The following CFAP300 variants were observed in gnomAD, a reference collection of about 807,000 sequenced individuals.
CFAP300 encodes the protein cilia- and flagella-associated protein 300.
CFAP300 carries 32 observed loss-of-function variants against 33.0 expected under a neutral mutation model. That is an observed-to-expected ratio of 0.97 (90% confidence interval 0.73 to 1.30). The LOEUF (loss-of-function observed/expected upper bound fraction) is 1.30, where lower values mean the gene tolerates loss of function less well. Among genes scored for constraint, CFAP300 ranks in the 50% most tolerant of loss-of-function variants. CFAP300 has a pLI of 0.00. For synonymous variants in CFAP300, 102 were observed against 106.8 expected, an observed-to-expected ratio of 0.95 and a Z score of 0.28; for missense variants, 356 against 318.1, an observed-to-expected ratio of 1.12 and a Z score of -0.90.
Position 102,083,382 on chromosome 11 carries a change from G to A in CFAP300, c.*183G>A, listed in dbSNP as rs555719015. The stretch of plus-strand genomic sequence containing the variant: ...AAATTTGTGTGGAATACTAACCGGG[G>A]ATCAAATTTCATCCATAATAAAATC... On this transcript the variant is annotated 3_prime_UTR_variant, in exon 7 of 7. Transcript: ENST00000434758. The A allele has an allele frequency of 2.9e-6, 1 of 344,734 alleles. No homozygotes were observed. Among genetic ancestry groups the A allele is most frequent in the South Asian group, 1.4e-4 (1 of 7,234 alleles). The allele number at this position is 344,734 out of a possible 1,614,324, so 21.4% of individuals were successfully genotyped here.
In CFAP300 at chr11:102,068,728, G is replaced by A. The variant is rs192824566; in HGVS notation, c.435+2077G>A. 7.6e-4 allele frequency among the ~76,000 whole-genome samples: 115 copies of A among 152,244 alleles called. 1 individual carries two copies. Among genetic ancestry groups the A allele is most frequent in the African/African-American group, 2.4e-3 (98 of 41,536 alleles). On this transcript the variant is annotated intron_variant, in intron 4 of 6. Coordinates refer to ENST00000434758, the MANE Select transcript of CFAP300 (RefSeq NM_032930.3). The stretch of plus-strand genomic sequence containing the variant: ...CTTGAACCCGGGAGGCAGAGATTGC[G>A]GTGAGCTGAGATCACACCACTGCAT...
intron 5 of CFAP300, among the ~76,000 whole-genome samples, chr11:102,078,718 T>A (rs1276916258): frequency 2.6e-5 from 4 of 152,198 alleles, no homozygotes; most frequent in East Asian, 1.9e-4. Flanking sequence ...TGTTTTTTTT[T>A]ATTTTTTTGA....
chr11:102,049,389 C>T (rs1941935555), intron 2 of CFAP300, among the ~76,000 whole-genome samples: 1 of 152,238 alleles, frequency 6.6e-6, no homozygotes, highest in African/African-American at 2.4e-5. Flanking sequence ...CCCGCATAAC[C>T]TCATCTTAAT....
chr11:102,060,459 G>A (rs1236476121), intron 3 of CFAP300, among the ~76,000 whole-genome samples: 2 of 151,776 alleles, frequency 1.3e-5, no homozygotes, highest in African/African-American at 4.9e-5. Flanking sequence ...TACATTGAAA[G>A]AGCCAGAAAT....
intron 4 of CFAP300, among the ~76,000 whole-genome samples, chr11:102,072,651 A>G (rs1031398387): frequency 4.6e-5 from 7 of 152,050 alleles, no homozygotes; most frequent in Non-Finnish European, 7.4e-5. Flanking sequence ...TTTATTTTTT[A>G]TTAAATCTGT....
intron 2 of CFAP300, among the ~76,000 whole-genome samples, chr11:102,053,584 A>G (rs1483605306): frequency 6.7e-6 from 1 of 149,684 alleles, no homozygotes; most frequent in Non-Finnish European, 1.5e-5. Context: ...ACAAACAAAC[A>G]AAAACCTTCA....
At chr11:102,067,947 C>T (rs1022725183) in intron 4 of CFAP300, among the ~76,000 whole-genome samples, 4 of 152,090 alleles carry the variant, frequency 2.6e-5, no homozygotes, top group Non-Finnish European at 4.4e-5. Context: ...ATATTATCAT[C>T]GTTACAATTA....
intron 4 of CFAP300, among the ~76,000 whole-genome samples, chr11:102,074,272 G>A (rs936942097): frequency 1.3e-5 from 2 of 152,164 alleles, no homozygotes; most frequent in African/African-American, 4.8e-5. Context: ...GCCATTGTGT[G>A]GTCTCCAGGC....
intron 2 of CFAP300, among the ~76,000 whole-genome samples, chr11:102,050,973 CTG>C (rs1329586397): frequency 6.6e-6 from 1 of 152,100 alleles, no homozygotes; most frequent in African/African-American, 2.4e-5. Flanking sequence ...AAATTGGAAA[CTG>C]TTGTCCTCTA....
chr11:102,069,412 A>G (rs1371134672), intron 4 of CFAP300, among the ~76,000 whole-genome samples: 1 of 152,230 alleles, frequency 6.6e-6, no homozygotes, highest in Non-Finnish European at 1.5e-5. Context: ...ACGTAGCTGA[A>G]GAGATCTGTA....
In CFAP300 at chr11:102,047,588, A is replaced by G. The variant is rs1376621107; in HGVS notation, c.110+8A>G. ...CAGCCGGCTCCGCCAGTGGTGAGGA[A>G]CCGAGGCACAGGGAGAGAAGAGGCC... On this transcript the variant is annotated splice_region_variant and intron_variant, in intron 1 of 6. Coordinates refer to ENST00000434758, the MANE Select transcript of CFAP300 (RefSeq NM_032930.3). The G allele has an allele frequency of 7.8e-6, 12 of 1,534,812 alleles. No individual in the cohort carries two copies. The highest frequency in any genetic ancestry group is 5.2e-6 in the Non-Finnish European group (6 of 1,145,798).
intron 4 of CFAP300, 129 bp from the exon 5 acceptor site, chr11:102,075,744 C>A: frequency 1.5e-6 from 1 of 645,720 alleles, no homozygotes; most frequent in Non-Finnish European, 2.6e-6. Flanking sequence ...AGGTTACTCT[C>A]TTCAGTTGAC....
At chr11:102,074,236 C>T (rs949045980) in intron 4 of CFAP300, among the ~76,000 whole-genome samples, 3 of 152,082 alleles carry the variant, frequency 2.0e-5, no homozygotes, top group African/African-American at 7.2e-5. Context: ...TGGTGGGAGC[C>T]AGCATGAGTT....
intron 3 of CFAP300, 134 bp downstream of exon 3, chr11:102,059,089 T>A: frequency 1.8e-6 from 1 of 560,418 alleles, no homozygotes. Flanking sequence ...TATGACCAGC[T>A]GTGCCAGACC....
At chr11:102,059,313 G>A (rs1942107688) in intron 3 of CFAP300, among the ~76,000 whole-genome samples, 1 of 149,554 alleles carries the variant, frequency 6.7e-6, no homozygotes, top group Non-Finnish European at 1.5e-5. Context: ...GTGTGTGTGT[G>A]TGTGTGTGTA....
intron 4 of CFAP300, among the ~76,000 whole-genome samples, chr11:102,071,871 C>A (rs1477349814): frequency 6.6e-6 from 1 of 152,074 alleles, no homozygotes; most frequent in Non-Finnish European, 1.5e-5. Flanking sequence ...ACACTTTTCT[C>A]TTGCTGTTTT....
chr11:102,061,653 A>G (rs1591318729), intron 3 of CFAP300, among the ~76,000 whole-genome samples: 1 of 152,226 alleles, frequency 6.6e-6, no homozygotes, highest in African/African-American at 2.4e-5. Flanking sequence ...TTACAAATGA[A>G]TAGTCAGAGG....
rs758253202 is a variant in CFAP300, at chr11:102,066,564, T to G, written c.348T>G (p.Asp116Glu). 3 of 1,612,056 alleles carry G rather than the reference T, an allele frequency of 1.9e-6. No homozygotes were observed. The highest frequency in any genetic ancestry group is 2.2e-5 in the South Asian group (2 of 90,512). The change falls in exon 4 of 7, where the codon GAT (aspartate) becomes GAG (glutamate). Residue 116 changes from aspartate to glutamate, a missense_variant. Asp to Glu is a conservative substitution (Grantham distance 45). Coordinates refer to ENST00000434758, the MANE Select transcript of CFAP300 (RefSeq NM_032930.3). The stretch of plus-strand genomic sequence containing the variant: ...TGTCATTTTTTCATCGGTTATATGA[T>G]GAAGATATTGTACGAGACAGTGGAC... ...LSMSFFHRLY[D>E]EDIVRDSGHI...
chr11:102,055,121 C>T (rs1942031454), intron 2 of CFAP300, among the ~76,000 whole-genome samples: 1 of 151,402 alleles, frequency 6.6e-6, no homozygotes, highest in South Asian at 2.1e-4. Flanking sequence ...GCTGGGATTA[C>T]AGGCACGTGC....
Sources: gnomAD v4.1 joint callset for allele counts (sites outside exome capture counted in the v4.1 genomes callset) on GRCh38, gnomAD v4.1.1 for gene constraint, MANE v1.5 for transcripts, NCBI Gene and HGNC (gene_info 2026-07-23, HGNC 2026-07-21) for gene names.